Variants in ADAM2 observed in about 807,000 individuals in gnomAD.
ADAM2 encodes ADAM metallopeptidase domain 2, also known as disintegrin and metalloproteinase domain-containing protein 2.
ADAM2 carries 101 observed loss-of-function variants against 99.3 expected under a neutral mutation model. The observed-to-expected ratio is 1.02, with a 90% CI of 0.87 to 1.20. The LOEUF (loss-of-function observed/expected upper bound fraction) is 1.20. ADAM2 is among the 50% of genes most tolerant of loss of function. The pLI, the probability that ADAM2 is intolerant of heterozygous loss-of-function variation, is 0.00. For synonymous variants in ADAM2, 323 were observed against 287.6 expected (o/e 1.12, Z -1.25); for missense variants, 948 against 878.7 (o/e 1.08, Z -1.00).
intron 4 of ADAM2, among the ~76,000 whole-genome samples, chr8:39,822,666 A>G (rs1275253077): frequency 3.3e-5 from 5 of 151,906 alleles, no homozygotes; most frequent in Non-Finnish European, 7.4e-5. Flanking sequence ...AAGTGTTTAA[A>G]TCTTCAAATA....
chr8:39,777,216 G>C (rs1430533148), intron 10 of ADAM2, 55 bp from the exon 11 acceptor site: 7 of 1,395,068 alleles, frequency 5.0e-6, no homozygotes, highest in African/African-American at 1.5e-5. Context: ...TTTACTGGGA[G>C]AACAATGCAA....
chr8:39,768,296 A>C (rs1289604394), intron 12 of ADAM2, among the ~76,000 whole-genome samples: 1 of 152,224 alleles, frequency 6.6e-6, no homozygotes, highest in African/African-American at 2.4e-5. Flanking sequence ...CACATATCTC[A>C]GGATCTATAA....
intron 20 of ADAM2, among the ~76,000 whole-genome samples, chr8:39,744,447 T>C (rs1268465708): frequency 6.6e-6 from 1 of 151,656 alleles, no homozygotes; most frequent in Non-Finnish European, 1.5e-5. Context: ...AACCCCCCCA[T>C]CCTTAAAATA....
At chr8:39,794,664 C>A (rs550584493) in intron 7 of ADAM2, among the ~76,000 whole-genome samples, 2 of 152,058 alleles carry the variant, frequency 1.3e-5, no homozygotes, top group African/African-American at 4.8e-5. Context: ...TTGTTCTGAT[C>A]TAGTTACTGG....
chr8:39,797,029 C>T (rs111845726), intron 7 of ADAM2, among the ~76,000 whole-genome samples: 2,190 of 152,256 alleles, frequency 0.014, 58 homozygotes, highest in African/African-American at 0.05. Flanking sequence ...GTTTCTTTTG[C>T]TGTGCAGAAG....
intron 14 of ADAM2, 110 bp downstream of exon 14, chr8:39,766,738 T>C: frequency 1.2e-6 from 1 of 856,734 alleles, no homozygotes; most frequent in Non-Finnish European, 1.8e-6. Context: ...TTCTTTAGAA[T>C]ATTTAAACTA....
At chr8:39,751,643 A>T (rs1029687901) in intron 16 of ADAM2, among the ~76,000 whole-genome samples, 3 of 152,210 alleles carry the variant, frequency 2.0e-5, no homozygotes, top group Admixed American at 2.0e-4. Flanking sequence ...ATAACCATAT[A>T]GCAATAGTAA....
At chr8:39,775,850 T>A (rs919441000) in intron 11 of ADAM2, among the ~76,000 whole-genome samples, 1 of 152,082 alleles carries the variant, frequency 6.6e-6, no homozygotes, top group African/African-American at 2.4e-5. Context: ...ATACATATAT[T>A]TTTGTGGCTC....
intron 7 of ADAM2, among the ~76,000 whole-genome samples, chr8:39,789,460 C>T (rs1390919289): frequency 2.0e-5 from 3 of 151,578 alleles, no homozygotes; most frequent in African/African-American, 7.3e-5. Context: ...AAATAAAGCA[C>T]AGAAAAATGA....
intron 3 of ADAM2, among the ~76,000 whole-genome samples, chr8:39,830,323 T>C (rs1805564849): frequency 6.6e-6 from 1 of 152,062 alleles, no homozygotes; most frequent in Non-Finnish European, 1.5e-5. Context: ...AACTGGCCCA[T>C]AGGTCAAATC....
In ADAM2 at chr8:39,755,740, A is replaced by G. The variant is rs373773299; in HGVS notation, c.1785T>C (p.Cys595=). The change falls in exon 16 of 21, where the codon TGT becomes TGC. Residue 595 remains cysteine (C), a synonymous_variant. Transcript: ENST00000265708. ...QKMWIKDGTS[C]GSNKVCRNQR... Reference sequence around the variant, plus strand: ...AAAGACTACCTACCTTATTTGAACCACAAGAAGTTCCATCTTTTATCCACA... The same window carrying G: ...AAAGACTACCTACCTTATTTGAACCGCAAGAAGTTCCATCTTTTATCCACA... The G allele has an allele frequency of 8.7e-6, 14 of 1,612,128 alleles. No individual in the cohort carries two copies. In the Middle Eastern group the frequency reaches 4.9e-4, roughly 57 times the overall value.
At chr8:39,792,674 G>GA (rs1803770437) in intron 7 of ADAM2, among the ~76,000 whole-genome samples, 1 of 151,758 alleles carries the variant, frequency 6.6e-6, no homozygotes, top group African/African-American at 2.4e-5. Flanking sequence ...TGTTCTACTG[G>GA]AAAATCCCAA....
intron 7 of ADAM2, among the ~76,000 whole-genome samples, chr8:39,799,513 G>T (rs1804115994): frequency 6.6e-6 from 1 of 152,168 alleles, no homozygotes; most frequent in Non-Finnish European, 1.5e-5. Context: ...ATATTGTGTT[G>T]ATTTAGGGTA....
chr8:39,792,160 T>A (rs1803742714), intron 7 of ADAM2, among the ~76,000 whole-genome samples: 1 of 151,830 alleles, frequency 6.6e-6, no homozygotes, highest in Admixed American at 6.6e-5. Context: ...AAGTATCCAG[T>A]ACTCTATCTT....
chr8:39,810,678 A>G (rs935967772), intron 6 of ADAM2, among the ~76,000 whole-genome samples: 1 of 152,234 alleles, frequency 6.6e-6, no homozygotes, highest in African/African-American at 2.4e-5. Context: ...CTGCTCCTGA[A>G]TGACTACTGG....
chr8:39,773,731 A>G (rs1173830696), intron 11 of ADAM2, among the ~76,000 whole-genome samples: 1 of 151,466 alleles, frequency 6.6e-6, no homozygotes, highest in Non-Finnish European at 1.5e-5. Flanking sequence ...ACCTTTCCAA[A>G]AAGAGTTATC....
Position 39,761,187 on chromosome 8 carries a change from C to T in ADAM2, c.1602G>A (p.Gln534=). ...NCGISDSGYT[Q]CEADNLQCGK... is the part of the protein sequence containing the mutation. The stretch of plus-strand genomic sequence containing the variant: ...TTCTGAAAACATACTCAGCTTCACA[C>T]TGTGTGTATCCTGAATCACTTATAC... Residue 534 remains glutamine, a synonymous_variant, in exon 15 of 21, where the codon CAG becomes CAA. Transcript: ENST00000265708. 1.3e-6 allele frequency: 2 copies of T among 1,574,514 alleles called. No individual in the cohort carries two copies. Among genetic ancestry groups the T allele is most frequent in the Non-Finnish European group, 1.7e-6 (2 of 1,157,762 alleles).
At chr8:39,781,839 A>G (rs1201778571) in intron 10 of ADAM2, among the ~76,000 whole-genome samples, 1 of 152,196 alleles carries the variant, frequency 6.6e-6, no homozygotes, top group Non-Finnish European at 1.5e-5. Context: ...AGGTAGAGTC[A>G]TTATGACAAC....
intron 9 of ADAM2, 51 bp from the exon 10 acceptor site, chr8:39,787,106 G>A (rs1481693180): frequency 3.4e-6 from 4 of 1,161,634 alleles, no homozygotes; most frequent in Non-Finnish European, 4.9e-6. Context: ...AAATTAATAT[G>A]AATTTTTATA....
Sources: gnomAD v4.1 joint callset for allele counts (sites outside exome capture counted in the v4.1 genomes callset) on GRCh38, gnomAD v4.1.1 for gene constraint, MANE v1.5 for transcripts, NCBI Gene and HGNC (gene_info 2026-07-23, HGNC 2026-07-21) for gene names.